Variants in ISM2 observed in about 807,000 individuals in gnomAD.
The protein encoded by ISM2 is isthmin-2.
Under a neutral mutation model 58.0 loss-of-function variants are expected in ISM2, and 50 were observed. The observed-to-expected ratio is 0.86, with a 90% CI of 0.69 to 1.09. ISM2 has a LOEUF of 1.09. Among genes scored for constraint, ISM2 ranks in the 50% least tolerant of loss-of-function variants. ISM2 has a pLI of 0.00. For missense variants in ISM2, 723 were observed against 745.0 expected (o/e 0.97, Z 0.34); for synonymous variants, 303 against 312.4 (o/e 0.97, Z 0.32).
At chr14:77,478,376 C>T (rs748097147) in intron 5 of ISM2, 51 bp from the exon 6 acceptor site, 16 of 1,535,296 alleles carry the variant, frequency 1.0e-5, no homozygotes, top group African/African-American at 6.8e-5. Flanking sequence ...CACCTCAGTG[C>T]CGCTGATGGG....
chr14:77,480,589 G>C (rs1180127221), intron 4 of ISM2, among the ~76,000 whole-genome samples: 1 of 114,488 alleles, frequency 8.7e-6, no homozygotes, highest in Non-Finnish European at 1.6e-5. Context: ...ACAGGGTCTC[G>C]CTCTGTCACC....
chr14:77,479,842 T>C (rs1339891252), intron 4 of ISM2, among the ~76,000 whole-genome samples: 1 of 152,046 alleles, frequency 6.6e-6, no homozygotes, highest in Non-Finnish European at 1.5e-5. Flanking sequence ...AAATTTTTTG[T>C]AGAGACGGGG....
chr14:77,480,547 CCTT>C (rs1566753865), intron 4 of ISM2, among the ~76,000 whole-genome samples: 9 of 94,260 alleles, frequency 9.5e-5, no homozygotes, highest in African/African-American at 3.4e-4. Context: ...GAAATTTTTT[CCTT>C]TTTTTTTTTT....
intron 4 of ISM2, 63 bp downstream of exon 4, chr14:77,482,259 C>G: frequency 7.7e-7 from 1 of 1,296,424 alleles, no homozygotes; most frequent in Middle Eastern, 1.9e-4. Flanking sequence ...CTCTCCCTCA[C>G]CCCCATTTCC....
At chr14:77,476,363 G>A (rs79559041) in intron 6 of ISM2, among the ~76,000 whole-genome samples, 1 of 152,244 alleles carries the variant, frequency 6.6e-6, no homozygotes, top group Non-Finnish European at 1.5e-5. Context: ...TGTCCTCTGC[G>A]GTGCCATATG....
intron 4 of ISM2, among the ~76,000 whole-genome samples, chr14:77,481,212 C>T (rs2079130018): frequency 6.6e-6 from 1 of 151,902 alleles, no homozygotes; most frequent in African/African-American, 2.4e-5. Flanking sequence ...TGGTGGTCCA[C>T]ACCTGTAATC....
At chr14:77,484,162 C>G (rs996390467) in intron 3 of ISM2, 161 bp downstream of exon 3, 5 of 887,416 alleles carry the variant, frequency 5.6e-6, no homozygotes, top group East Asian at 4.9e-5. Flanking sequence ...AGGTCCTCTG[C>G]CCCCTACACC....
intron 3 of ISM2, 34 bp from the exon 4 acceptor site, chr14:77,482,701 A>T: frequency 7.4e-7 from 1 of 1,356,796 alleles, no homozygotes; most frequent in Non-Finnish European, 1.0e-6. Flanking sequence ...CCAGTGAAGG[A>T]GGTCTTAGAG....
intron 1 of ISM2, chr14:77,498,104 G>T (rs995059577): frequency 7.7e-6 from 3 of 387,530 alleles, no homozygotes; most frequent in African/African-American, 6.6e-5. Context: ...TCTCATTCCT[G>T]TTTTATACCC....
chr14:77,498,481 C>T (rs556108016), intron 1 of ISM2, 172 bp downstream of exon 1: 2 of 1,197,446 alleles, frequency 1.7e-6, no homozygotes, highest in Non-Finnish European at 2.3e-6. Context: ...AAGTCCGGCG[C>T]ACCTGGGCAA....
intron 1 of ISM2, among the ~76,000 whole-genome samples, chr14:77,496,460 T>C (rs539944618): frequency 7.2e-6 from 1 of 138,710 alleles, no homozygotes; most frequent in Non-Finnish European, 1.5e-5. Context: ...TGCACTCCAG[T>C]CTGGGCAACA....
At chr14:77,496,217 G>A (rs2079239239) in intron 1 of ISM2, among the ~76,000 whole-genome samples, 1 of 151,256 alleles carries the variant, frequency 6.6e-6, no homozygotes, top group African/African-American at 2.4e-5. Context: ...AGCCGGGCAT[G>A]GTGGCTCACG....
At chr14:77,493,613 C>A (rs1034293827) in intron 1 of ISM2, among the ~76,000 whole-genome samples, 1 of 149,174 alleles carries the variant, frequency 6.7e-6, no homozygotes, top group Non-Finnish European at 1.5e-5. Flanking sequence ...AGGCGCCCAC[C>A]ACCACGCCTG....
chr14:77,475,932 C>T lies in ISM2; in HGVS notation c.1379G>A (p.Gly460Asp), dbSNP rs145487294. ...GRSFRWRDAS[G>D]PRERLDIYQP... is the part of the protein sequence containing the mutation. ...GTAGATGTCCAGGCGCTCGCGAGGG[C>T]CACTGGCATCCCTCCACCGGAAGCT... The change falls in exon 7 of 7, where the codon GGC (glycine) becomes GAC (aspartate). Residue 460 changes from glycine to aspartate, a missense_variant. Gly to Asp is a moderately conservative substitution (Grantham distance 94). Coordinates refer to ENST00000342219, the MANE Select transcript of ISM2 (RefSeq NM_199296.3). The surrounding 1 kb of genome is among the most constrained non-coding windows in gnomAD (Gnocchi z 4.1). 2 of 1,599,454 alleles carry T rather than the reference C, an allele frequency of 1.3e-6. No homozygotes were observed. Among genetic ancestry groups the T allele is most frequent in the South Asian group, 2.2e-5 (2 of 91,012 alleles).
At chr14:77,497,618 C>T (rs1245983057) in intron 1 of ISM2, among the ~76,000 whole-genome samples, 4 of 151,454 alleles carry the variant, frequency 2.6e-5, no homozygotes, top group East Asian at 3.9e-4. Flanking sequence ...CGATTGAGTC[C>T]GGGAGGTTGA....
Position 77,484,558 on chromosome 14 carries a change from G to A in ISM2, c.392C>T (p.Ala131Val). 1 of 1,598,530 alleles carries A rather than the reference G, an allele frequency of 6.3e-7. No homozygotes were observed. Among genetic ancestry groups the A allele is most frequent in the Non-Finnish European group, 8.5e-7 (1 of 1,172,702 alleles). Residue 131 changes from alanine (A) to valine (V), a missense_variant, in exon 3 of 7, where the codon GCC becomes GTC. Ala to Val is a moderately conservative substitution (Grantham distance 64, BLOSUM62 0). Transcript: ENST00000342219. ...CCTCAGAGGCCTAGGATCTGGGGAGGCTGAAGCCTGAGGAAGAGAGAGGGA... is the reference window on the plus strand; with the variant it reads ...CCTCAGAGGCCTAGGATCTGGGGAGACTGAAGCCTGAGGAAGAGAGAGGGA... ...STPNPDTQAS[A>V]SPDPRPLREE...
intron 2 of ISM2, 25 bp downstream of exon 2, chr14:77,484,652 C>T: frequency 3.1e-6 from 5 of 1,611,712 alleles, no homozygotes; most frequent in Non-Finnish European, 4.2e-6. Flanking sequence ...GAGCCAGGAG[C>T]TGCTGGCCCT....
intron 1 of ISM2, among the ~76,000 whole-genome samples, chr14:77,485,142 G>T (rs1046769021): frequency 6.6e-6 from 1 of 152,190 alleles, no homozygotes; most frequent in Admixed American, 6.5e-5. Context: ...GTCAGACAGT[G>T]GACTGTATCC....
At chr14:77,498,406 A>G (rs1402850765) in intron 1 of ISM2, 1 of 1,272,168 alleles carries the variant, frequency 7.9e-7, no homozygotes, top group Non-Finnish European at 1.1e-6. Context: ...ACAGAAGTCA[A>G]ACTTGTCACC....
Sources: gnomAD v4.1 joint callset for allele counts (sites outside exome capture counted in the v4.1 genomes callset) on GRCh38, gnomAD v4.1.1 for gene constraint, Gnocchi (gnomAD v3.1) non-coding constraint, MANE v1.5 for transcripts, NCBI Gene and HGNC (gene_info 2026-07-23, HGNC 2026-07-21) for gene names.